The following MMP26 variants were observed in gnomAD, a reference collection of about 807,000 sequenced individuals.
The protein encoded by MMP26 is matrix metalloproteinase-26.
MMP26 carries 33 observed loss-of-function variants against 31.0 expected under a neutral mutation model. The ratio of observed to expected loss-of-function variants is 1.06; its 90% confidence interval spans 0.81 to 1.42. The LOEUF is 1.42. MMP26 is among the 40% of genes most tolerant of loss of function. MMP26 has a pLI of 0.00. For missense variants in MMP26, 347 were observed against 316.1 expected, an observed-to-expected ratio of 1.10 and a Z score of -0.74; for synonymous variants, 122 against 114.9, an observed-to-expected ratio of 1.06 and a Z score of -0.40.
intron 2 of MMP26, among the ~76,000 whole-genome samples, chr11:4,953,826 C>T (rs7121931): frequency 0.97 from 121,019 of 124,178 alleles, 59,624 homozygotes; most frequent in East Asian, 1. Flanking sequence ...CCAAGGCAGG[C>T]GGATCACTTG....
rs558644047 is a variant in MMP26, at chr11:4,893,230, T to C, written c.-144-94838T>C. ...AAACTTCTGTTTAAAGGTTTAATTA[T>C]CAAAATAAAAATAAGTTAATAAATG... is the stretch of plus-strand genomic sequence containing the variant. On this transcript the variant is annotated intron_variant, in intron 2 of 7. Transcript: ENST00000380390. Among the ~76,000 whole-genome samples, 49 of 152,270 alleles carry C rather than the reference T, an allele frequency of 3.2e-4. 1 individual carries two copies. Among genetic ancestry groups the C allele is most frequent in the Middle Eastern group, 3.4e-3 (1 of 294 alleles).
At chr11:4,916,420 A>G (rs961512783) in intron 2 of MMP26, among the ~76,000 whole-genome samples, 5 of 151,406 alleles carry the variant, frequency 3.3e-5, no homozygotes, top group African/African-American at 4.8e-5. Flanking sequence ...AAGTCCTCAC[A>G]TGCCTTTTTT....
At chr11:4,839,652 C>T (rs1023416627) in intron 2 of MMP26, among the ~76,000 whole-genome samples, 4 of 151,730 alleles carry the variant, frequency 2.6e-5, no homozygotes, top group African/African-American at 4.8e-5. Flanking sequence ...CACCTGCTAA[C>T]TGAAGAGCCC....
intron 2 of MMP26, chr11:4,882,200 AT>A: frequency 6.2e-7 from 1 of 1,613,908 alleles, no homozygotes; most frequent in Non-Finnish European, 8.5e-7. Flanking sequence ...AGCTTGCTTC[AT>A]TCAAATGTTC....
intron 2 of MMP26, among the ~76,000 whole-genome samples, chr11:4,772,680 C>A (rs1388437583): frequency 6.6e-6 from 1 of 152,126 alleles, no homozygotes; most frequent in Non-Finnish European, 1.5e-5. Context: ...AGAGTTTTTT[C>A]ATTTTTGTCA....
rs1266088158 is a variant in MMP26, at chr11:4,867,222, TAAAC to T, written c.-145+99885_-145+99888del. Among the ~76,000 whole-genome samples the T allele has an allele frequency of 2.6e-5, 4 of 151,892 alleles. No individual in the cohort carries two copies. In the East Asian group the frequency reaches 7.7e-4, roughly 29 times the overall value. On this transcript the variant is annotated intron_variant, in intron 2 of 7. Transcript: ENST00000380390. ...TAATATCAAGTATCTAGAAGGAACT[TAAAC>T]AAATTTACAAGAAAAAAACAAACAA...
intron 2 of MMP26, among the ~76,000 whole-genome samples, chr11:4,881,179 C>A (rs1056007114): frequency 6.6e-6 from 1 of 152,140 alleles, no homozygotes; most frequent in Admixed American, 6.6e-5. Flanking sequence ...AGAGAGAAAG[C>A]CCTCTGCTTC....
In MMP26 at chr11:4,888,831, A is replaced by G. The variant is rs114083746; in HGVS notation, c.-144-99237A>G. On this transcript the variant is annotated intron_variant, in intron 2 of 7. Coordinates refer to ENST00000380390, the MANE Select transcript of MMP26 (RefSeq NM_021801.5). ...CTTCTTTCACTTAAATGGGAAATCA[A>G]CTATTCACACAAAATTTGACTGAAT... Among the ~76,000 whole-genome samples, 564 of 152,258 alleles carry G rather than the reference A, an allele frequency of 3.7e-3. 1 individual carries two copies. Among genetic ancestry groups the G allele is most frequent in the African/African-American group, 0.012 (496 of 41,564 alleles).
intron 2 of MMP26, chr11:4,954,978 T>A: frequency 7.3e-7 from 1 of 1,364,730 alleles, no homozygotes; most frequent in Non-Finnish European, 1.0e-6. Context: ...ACTGCACAGA[T>A]GTGTGAAACA....
At chr11:4,932,129 T>C (rs1851358224) in intron 2 of MMP26, among the ~76,000 whole-genome samples, 2 of 152,134 alleles carry the variant, frequency 1.3e-5, no homozygotes, top group African/African-American at 4.8e-5. Context: ...ATGGTCTCCA[T>C]CAGTGCTCAG....
intron 1 of MMP26, among the ~76,000 whole-genome samples, chr11:4,705,537 A>G (rs1432615143): frequency 1.3e-5 from 2 of 152,190 alleles, no homozygotes; most frequent in African/African-American, 4.8e-5. Context: ...TAGTCTGGTA[A>G]TAGGGATGTT....
chr11:4,941,604 C>T (rs998134152), intron 2 of MMP26, among the ~76,000 whole-genome samples: 6 of 152,040 alleles, frequency 3.9e-5, no homozygotes, highest in Admixed American at 1.3e-4. Context: ...CAATAAGTTC[C>T]AAGGTGATTC....
intron 1 of MMP26, among the ~76,000 whole-genome samples, chr11:4,724,433 G>C (rs909436353): frequency 6.6e-6 from 1 of 152,190 alleles, no homozygotes; most frequent in Admixed American, 6.5e-5. Flanking sequence ...GACAGCTAAA[G>C]TTTCAGACTA....
At chr11:4,851,806 TG>T (rs1849979528) in intron 2 of MMP26, among the ~76,000 whole-genome samples, 1 of 151,822 alleles carries the variant, frequency 6.6e-6, no homozygotes, top group East Asian at 1.9e-4. Flanking sequence ...ACTAATAAAA[TG>T]GTAAAAAAAT....
intron 2 of MMP26, chr11:4,943,083 A>G (rs1224668173): frequency 6.3e-6 from 1 of 159,292 alleles, no homozygotes; most frequent in Non-Finnish European, 1.4e-5. Flanking sequence ...CTTGGACTAA[A>G]TGATGCTCCC....
intron 1 of MMP26, among the ~76,000 whole-genome samples, chr11:4,730,730 A>T (rs1234047385): frequency 6.6e-6 from 1 of 152,154 alleles, no homozygotes; most frequent in African/African-American, 2.4e-5. Flanking sequence ...TACTGATGAG[A>T]TTATGAAACC....
intron 1 of MMP26, chr11:4,724,235 A>T: frequency 2.3e-6 from 1 of 442,940 alleles, no homozygotes; most frequent in South Asian, 3.7e-5. Flanking sequence ...CCTTTGATCT[A>T]GGTCTTATTA....
intron 2 of MMP26, among the ~76,000 whole-genome samples, chr11:4,796,812 G>A (rs1345820461): frequency 6.6e-6 from 1 of 152,032 alleles, no homozygotes. Context: ...TATACCTAAG[G>A]CAATCTCAGC....
intron 2 of MMP26, among the ~76,000 whole-genome samples, chr11:4,884,781 G>T (rs1428938978): frequency 1.3e-5 from 2 of 152,022 alleles, no homozygotes; most frequent in African/African-American, 4.8e-5. Flanking sequence ...TCTTTCTTAA[G>T]TTTGGTGTCA....
Sources: allele counts gnomAD v4.1 joint callset (sites outside exome capture counted in the v4.1 genomes callset), GRCh38; gene constraint gnomAD v4.1.1; transcripts MANE v1.5; gene names NCBI Gene and HGNC (gene_info 2026-07-23, HGNC 2026-07-21).